The following PARP1 variants were observed in gnomAD, a reference collection of about 807,000 sequenced individuals.
The protein encoded by PARP1 is poly(ADP-ribose) polymerase 1.
PARP1 carries 44 observed loss-of-function variants against 118.7 expected under a neutral mutation model. The observed-to-expected ratio is 0.37, with a 90% confidence interval of 0.29 to 0.48. PARP1 has a LOEUF of 0.48. Ranked by LOEUF, PARP1 falls within the 20% of genes least tolerant of loss-of-function variation. The pLI, the probability that PARP1 is intolerant of heterozygous loss-of-function variation, is 0.99. For missense variants in PARP1, 1,100 were observed against 1,272.4 expected, an observed-to-expected ratio of 0.86 and a Z score of 2.06; for synonymous variants, 492 against 483.2, an observed-to-expected ratio of 1.02 and a Z score of -0.24.
intron 6 of PARP1, 77 bp downstream of exon 6, chr1:226,386,249 A>G: frequency 3.5e-6 from 3 of 867,362 alleles, no homozygotes; most frequent in Non-Finnish European, 6.0e-6. Context: ...GGCCTCCCAC[A>G]CTCCATTGGG....
At position 226,361,994 on chromosome 1, in the gene PARP1, T is replaced by G. The variant is rs747801045; in HGVS notation, c.2938A>C (p.Asn980His). The change falls in exon 22 of 23, where the codon AAT becomes CAT. Residue 980 changes from asparagine (N) to histidine (H), a missense_variant. By Grantham distance (68) the Asn-to-His change is moderately conservative (BLOSUM62 1). This residue lies in a region of PARP1 where 152 missense variants were observed against 240.6 expected (regional missense o/e 0.63). Transcript: ENST00000366794. ...TCGTTATATAGTAGAGAGGTGTCAT[T>G]CACACCAGATGAAATCCCGGTCCCA... ...PLGTGISSGV[N>H]DTSLLYNEYI... The G allele has an allele frequency of 3.7e-6, 6 of 1,604,554 alleles. No homozygotes were observed. The highest frequency in any genetic ancestry group is 5.1e-6 in the Non-Finnish European group (6 of 1,171,374).
chr1:226,361,890 G>T, intron 22 of PARP1, 79 bp downstream of exon 22: 1 of 868,038 alleles, frequency 1.2e-6, no homozygotes. Flanking sequence ...TCTGCCCCAG[G>T]TAATCTGACA....
chr1:226,385,367 T>A, intron 7 of PARP1, 137 bp downstream of exon 7: 1 of 751,972 alleles, frequency 1.3e-6, no homozygotes, highest in Non-Finnish European at 2.4e-6. Context: ...TATATTCTGG[T>A]AAACAGGATG....
chr1:226,402,218 C>T lies in PARP1; in HGVS notation c.282G>A (p.Val94=). The part of the protein sequence containing the change: ...KVKKTAEAGG[V]TGKGQDGIGS... The stretch of plus-strand genomic sequence containing the variant: ...GCTGCCCCAGTATGTACACACCTGT[C>T]ACTCCTCCAGCTTCCGCTGTCTTCT... Residue 94 remains valine, a synonymous_variant, in exon 2 of 23, where the codon GTG becomes GTA. Coordinates refer to ENST00000366794, the MANE Select transcript of PARP1 (RefSeq NM_001618.4). The T allele has an allele frequency of 6.2e-7, 1 of 1,614,206 alleles. No homozygotes were observed. Among genetic ancestry groups the T allele is most frequent in the Non-Finnish European group, 8.5e-7 (1 of 1,180,044 alleles).
intron 14 of PARP1, among the ~76,000 whole-genome samples, 166 bp downstream of exon 14, chr1:226,374,060 G>T (rs2377312): frequency 6.6e-6 from 1 of 152,046 alleles, no homozygotes; most frequent in Non-Finnish European, 1.5e-5. Flanking sequence ...AACCACTCCA[G>T]GCCCCAACAC....
chr1:226,362,852 A>AT lies in PARP1; in HGVS notation c.2848+246dup, dbSNP rs3046776. ...GAACCTCCTGCTATAGAGCTTGCCT[A>AT]TTTTTTTTTTTTTTTTACAAAAATA... On this transcript the variant is annotated intron_variant, in intron 21 of 22. Coordinates refer to ENST00000366794, the MANE Select transcript of PARP1 (RefSeq NM_001618.4). 6.6e-3 allele frequency among the ~76,000 whole-genome samples: 985 copies of AT among 148,406 alleles called. 14 individuals are homozygous for AT. The highest frequency in any genetic ancestry group is 0.022 in the African/African-American group (874 of 40,366).
At chr1:226,388,579 T>C (rs1032551008) in intron 5 of PARP1, 77 bp downstream of exon 5, 26 of 1,036,524 alleles carry the variant, frequency 2.5e-5, no homozygotes, top group African/African-American at 6.3e-5. Flanking sequence ...ACACAACTCC[T>C]TGAATTGTCT....
At chr1:226,374,136 G>C (rs1291276590) in intron 14 of PARP1, 90 bp downstream of exon 14, 1 of 1,471,288 alleles carries the variant, frequency 6.8e-7, no homozygotes, top group African/African-American at 1.4e-5. Context: ...TTTTGAAACA[G>C]AAACAAGAAC....
chr1:226,396,084 G>A (rs746947674), intron 2 of PARP1, among the ~76,000 whole-genome samples: 10 of 152,164 alleles, frequency 6.6e-5, no homozygotes, highest in Non-Finnish European at 1.2e-4. Context: ...AGTGGCTCAC[G>A]CCTATAATCC....
In PARP1 at chr1:226,367,624, A is replaced by C. The variant is rs200603350; in HGVS notation, c.2278-16T>G. ...CCACCTTGGCCTGGAGGAGCAAAAGAAAGCCCCCGACTTAGGTATCATGGT... is the reference window on the plus strand; with the variant it reads ...CCACCTTGGCCTGGAGGAGCAAAAGCAAGCCCCCGACTTAGGTATCATGGT... On this transcript the variant is annotated splice_polypyrimidine_tract_variant and intron_variant, in intron 16 of 22. Coordinates refer to ENST00000366794, the MANE Select transcript of PARP1 (RefSeq NM_001618.4). 2.0e-4 allele frequency: 325 copies of C among 1,613,754 alleles called. No homozygotes were observed. The highest frequency in any genetic ancestry group is 1.6e-4 in the Middle Eastern group (1 of 6,084).
chr1:226,363,276 G>C (rs1218141006), intron 20 of PARP1, 116 bp from the exon 21 acceptor site: 2 of 790,508 alleles, frequency 2.5e-6, no homozygotes, highest in Middle Eastern at 2.7e-4. Flanking sequence ...ACAAAACCCA[G>C]ACCATCTAAA....
chr1:226,393,426 C>G (rs376334817), intron 2 of PARP1, among the ~76,000 whole-genome samples: 1 of 152,242 alleles, frequency 6.6e-6, no homozygotes, highest in Admixed American at 6.5e-5. Flanking sequence ...AATCAAATTC[C>G]TAGCAGCTGT....
At chr1:226,373,197 G>A (rs915905954) in intron 14 of PARP1, among the ~76,000 whole-genome samples, 6 of 152,172 alleles carry the variant, frequency 3.9e-5, no homozygotes, top group Non-Finnish European at 5.9e-5. Context: ...GGAGGTTCTA[G>A]GAGGAAGGAC....
intron 7 of PARP1, 50 bp from the exon 8 acceptor site, chr1:226,383,233 C>A (rs1270658769): frequency 1.3e-6 from 2 of 1,481,828 alleles, no homozygotes; most frequent in African/African-American, 1.4e-5. Flanking sequence ...CTTGAGGTAA[C>A]CACCCCATAG....
intron 21 of PARP1, 135 bp downstream of exon 21, chr1:226,362,964 C>A: frequency 2.8e-6 from 2 of 720,410 alleles, no homozygotes; most frequent in Non-Finnish European, 2.6e-6. Context: ...GCACACACAC[C>A]CCTCGAAAAG....
chr1:226,373,337 G>A (rs1411610161), intron 14 of PARP1, among the ~76,000 whole-genome samples: 2 of 152,220 alleles, frequency 1.3e-5, no homozygotes, highest in Non-Finnish European at 2.9e-5. Context: ...ATAACCAAAT[G>A]CATCACAGCT....
rs1195869904 is a variant in PARP1, at chr1:226,385,667, A to G, written c.848T>C (p.Val283Ala). ...PSGESAILDR[V>A]ADGMVFGALL... is the part of the protein sequence containing the mutation. Reference sequence around the variant, plus strand: ...GGCACCGAACACCATGCCATCAGCTACTCGGTCCAAGATCTGCAGCCAGTG... The same window carrying G: ...GGCACCGAACACCATGCCATCAGCTGCTCGGTCCAAGATCTGCAGCCAGTG... The change falls in exon 7 of 23, where the codon GTA becomes GCA. Residue 283 changes from valine (V) to alanine (A), a missense_variant. Physicochemically the swap from Val to Ala is moderately conservative, Grantham distance 64. Coordinates refer to ENST00000366794, the MANE Select transcript of PARP1 (RefSeq NM_001618.4). 6.2e-7 allele frequency: 1 copy of G among 1,613,986 alleles called. No homozygotes were observed. The highest frequency in any genetic ancestry group is 8.5e-7 in the Non-Finnish European group (1 of 1,179,998).
chr1:226,379,401 C>T, intron 11 of PARP1, 127 bp from the exon 12 acceptor site: 1 of 1,328,238 alleles, frequency 7.5e-7, no homozygotes, highest in Middle Eastern at 1.8e-4. Context: ...CGGGAGGCTC[C>T]CCACAAATGT....
chr1:226,403,539 G>GT (rs1443300588), intron 1 of PARP1, among the ~76,000 whole-genome samples: 1 of 152,246 alleles, frequency 6.6e-6, no homozygotes, highest in Non-Finnish European at 1.5e-5. Context: ...AGTATGTAGT[G>GT]TGTGTCCCTG....
Sources: gnomAD v4.1 joint callset for allele counts (sites outside exome capture counted in the v4.1 genomes callset) on GRCh38, gnomAD v4.1.1 for gene constraint, gnomAD v4.1.1 regional missense constraint, MANE v1.5 for transcripts, NCBI Gene and HGNC (gene_info 2026-07-23, HGNC 2026-07-21) for gene names.